Variants in PRSS23 observed in about 807,000 individuals in gnomAD.
PRSS23 encodes serine protease 23, also known as protease, serine 23.
In PRSS23, 25 loss-of-function variants were observed where a neutral mutation model predicts 34.7. The ratio of observed to expected loss-of-function variants is 0.72; its 90% CI spans 0.53 to 1.01. PRSS23 has a LOEUF of 1.01. Among genes scored for constraint, PRSS23 ranks in the 50% least tolerant of loss-of-function variants. The pLI, the probability that PRSS23 is intolerant of heterozygous loss-of-function variation, is 0.00. For synonymous variants in PRSS23, 176 were observed against 186.6 expected (o/e 0.94, Z 0.46); for missense variants, 445 against 475.6 (o/e 0.94, Z 0.60).
intron 2 of PRSS23, chr11:86,896,611 C>T (rs777222012): frequency 6.6e-6 from 1 of 152,234 alleles, no homozygotes; most frequent in Non-Finnish European, 1.5e-5. Flanking sequence ...TAACATCTGT[C>T]ACCCATTTCT....
chr11:86,866,057 C>A (rs796123490), intron 2 of PRSS23, among the ~76,000 whole-genome samples: 73 of 152,222 alleles, frequency 4.8e-4, no homozygotes, highest in African/African-American at 1.7e-3. Context: ...CTTGTGTGGC[C>A]TCCTAAATCT....
At chr11:86,859,979 C>A (rs1222436961) in intron 2 of PRSS23, among the ~76,000 whole-genome samples, 1 of 151,872 alleles carries the variant, frequency 6.6e-6, no homozygotes, top group Non-Finnish European at 1.5e-5. Flanking sequence ...ATTCCAATAT[C>A]GCTGGTGGTG....
At chr11:86,864,392 C>A (rs1217498013) in intron 2 of PRSS23, among the ~76,000 whole-genome samples, 1 of 152,156 alleles carries the variant, frequency 6.6e-6, no homozygotes, top group Non-Finnish European at 1.5e-5. Flanking sequence ...GCTGGCGGTT[C>A]ATGTGTAGCA....
intron 2 of PRSS23, among the ~76,000 whole-genome samples, chr11:86,869,412 AT>A (rs1948670543): frequency 2.0e-5 from 3 of 152,180 alleles, no homozygotes; most frequent in Admixed American, 2.0e-4. Flanking sequence ...GTTAGACACT[AT>A]TTTAGGAGCA....
chr11:86,870,194 GA>G (rs1368638530), intron 2 of PRSS23, among the ~76,000 whole-genome samples: 1 of 151,878 alleles, frequency 6.6e-6, no homozygotes. Context: ...CAGGCCCTCT[GA>G]CCAGAGTCAT....
At chr11:86,851,916 G>A (rs190183613) in intron 2 of PRSS23, among the ~76,000 whole-genome samples, 140 of 152,186 alleles carry the variant, frequency 9.2e-4, no homozygotes, top group African/African-American at 3.3e-3. Flanking sequence ...CATTGGTGGG[G>A]GGGAAGCAAA....
intron 2 of PRSS23, among the ~76,000 whole-genome samples, chr11:86,939,431 T>TTTTTTTAAAAAATATATATATATATATA: frequency 7.1e-6 from 1 of 141,752 alleles, no homozygotes; most frequent in Non-Finnish European, 1.5e-5. Context: ...TATATATTTT[T>TTTTTTTAAAAAATATATATATATATATA]TAACATGAGT....
chr11:86,838,322 G>C (rs1241712147), intron 2 of PRSS23, among the ~76,000 whole-genome samples: 1 of 152,160 alleles, frequency 6.6e-6, no homozygotes, highest in Admixed American at 6.5e-5. Context: ...TCCCATGCCT[G>C]GCTTGGTGGG....
At chr11:86,843,228 C>T (rs1006919838) in intron 2 of PRSS23, among the ~76,000 whole-genome samples, 8 of 152,114 alleles carry the variant, frequency 5.3e-5, no homozygotes, top group Non-Finnish European at 1.0e-4. Flanking sequence ...ATGTAGAAAG[C>T]TGAAACTGGA....
intron 2 of PRSS23, among the ~76,000 whole-genome samples, chr11:86,833,699 G>T (rs1406781950): frequency 6.6e-6 from 1 of 152,040 alleles, no homozygotes; most frequent in Non-Finnish European, 1.5e-5. Context: ...TTATTGGTCG[G>T]GCGTGAGCTA....
chr11:86,853,549 T>A (rs1948546878), intron 2 of PRSS23, among the ~76,000 whole-genome samples: 1 of 152,100 alleles, frequency 6.6e-6, no homozygotes, highest in Non-Finnish European at 1.5e-5. Context: ...GCCACTGCGC[T>A]GGCCAGAAGT....
At chr11:86,814,194 A>G (rs543615184), downstream of PRSS23, among the ~76,000 whole-genome samples, 144 of 152,358 alleles carry the variant, frequency 9.5e-4, 5 homozygotes, top group South Asian at 0.018. Flanking sequence ...AGGATCTCTG[A>G]TTGTGAAGCT....
chr11:86,877,434 T>C (rs1391772254), intron 2 of PRSS23, among the ~76,000 whole-genome samples: 1 of 152,224 alleles, frequency 6.6e-6, no homozygotes, highest in Non-Finnish European at 1.5e-5. Context: ...TGTGCAGTCT[T>C]TGGATTCATT....
At chr11:86,852,691 C>T (rs1281178910) in intron 2 of PRSS23, among the ~76,000 whole-genome samples, 1 of 152,202 alleles carries the variant, frequency 6.6e-6, no homozygotes, top group African/African-American at 2.4e-5. Flanking sequence ...CCTCCATCAT[C>T]TCCAGAACAG....
chr11:86,835,878 C>T (rs1948401280), intron 2 of PRSS23, among the ~76,000 whole-genome samples: 1 of 152,130 alleles, frequency 6.6e-6, no homozygotes, highest in Non-Finnish European at 1.5e-5. Context: ...CATCCACGTA[C>T]CGAAGGACAA....
chr11:86,798,438 G>A (rs1947996122), upstream of PRSS23, among the ~76,000 whole-genome samples: 1 of 152,188 alleles, frequency 6.6e-6, no homozygotes, highest in African/African-American at 2.4e-5. Context: ...GGGCAAAGGA[G>A]ATATGGTAGA....
At chr11:86,886,341 T>A (rs1258751701) in intron 2 of PRSS23, among the ~76,000 whole-genome samples, 1 of 152,184 alleles carries the variant, frequency 6.6e-6, no homozygotes, top group Admixed American at 6.5e-5. Flanking sequence ...CTGCTTCCCA[T>A]GATGGATCAT....
intron 2 of PRSS23, among the ~76,000 whole-genome samples, chr11:86,826,724 G>T (rs1948304117): frequency 6.6e-6 from 1 of 152,140 alleles, no homozygotes; most frequent in Non-Finnish European, 1.5e-5. Flanking sequence ...TTTTGTCAAA[G>T]GCCTTTTCTG....
chr11:86,901,088 C>T (rs1332703308), intron 2 of PRSS23, among the ~76,000 whole-genome samples: 1 of 151,968 alleles, frequency 6.6e-6, no homozygotes, highest in Non-Finnish European at 1.5e-5. Flanking sequence ...CCCGGCTTAT[C>T]ATCTCTTTCT....
Sources: gnomAD v4.1 joint callset for allele counts (sites outside exome capture counted in the v4.1 genomes callset) on GRCh38, gnomAD v4.1.1 for gene constraint, MANE v1.5 for transcripts, NCBI Gene and HGNC (gene_info 2026-07-23, HGNC 2026-07-21) for gene names.